Variants in BCAS3 observed in about 807,000 individuals in gnomAD.
BCAS3 encodes the protein BCAS3 microtubule associated cell migration factor, also known as BCAS4/BCAS3 fusion.
Under a neutral mutation model 116.1 loss-of-function variants are expected in BCAS3, and 53 were observed. That is an observed-to-expected ratio of 0.46 (90% CI 0.37 to 0.57). The LOEUF (loss-of-function observed/expected upper bound fraction) is 0.57. BCAS3 is among the 20% of genes least tolerant of loss of function. The pLI, the probability that BCAS3 is intolerant of heterozygous loss-of-function variation, is 0.00. For missense variants in BCAS3, 917 were observed against 1,165.4 expected, an observed-to-expected ratio of 0.79 and a Z score of 3.10; for synonymous variants, 391 against 408.2, an observed-to-expected ratio of 0.96 and a Z score of 0.51.
chr17:60,888,904 T>C (rs974623862), intron 9 of BCAS3, among the ~76,000 whole-genome samples: 8 of 152,328 alleles, frequency 5.3e-5, no homozygotes, highest in African/African-American at 1.9e-4. Context: ...AATGGCTGTG[T>C]ACTGGAAGTG....
At chr17:60,808,573 C>T (rs1480525111) in intron 7 of BCAS3, among the ~76,000 whole-genome samples, 1 of 152,140 alleles carries the variant, frequency 6.6e-6, no homozygotes, top group Non-Finnish European at 1.5e-5. Context: ...ATTATTGTTT[C>T]CTAATGGTAC....
intron 7 of BCAS3, among the ~76,000 whole-genome samples, chr17:60,852,442 A>G (rs988435949): frequency 6.6e-6 from 1 of 152,224 alleles, no homozygotes; most frequent in Admixed American, 6.5e-5. Context: ...GTAACAGCTT[A>G]TCAAATTGTG....
chr17:61,001,190 A>G (rs907754661), intron 15 of BCAS3, among the ~76,000 whole-genome samples: 4 of 151,994 alleles, frequency 2.6e-5, no homozygotes, highest in Non-Finnish European at 5.9e-5. Flanking sequence ...AGTTGATGAG[A>G]CTCGGAGACC....
At chr17:60,726,311 C>T (rs1041234638) in intron 5 of BCAS3, among the ~76,000 whole-genome samples, 4 of 148,726 alleles carry the variant, frequency 2.7e-5, no homozygotes, top group Non-Finnish European at 4.4e-5. Flanking sequence ...AGTGATTCTC[C>T]TGCCTTAGCC....
At chr17:60,741,446 A>T (rs1212197942) in intron 5 of BCAS3, among the ~76,000 whole-genome samples, 1 of 152,210 alleles carries the variant, frequency 6.6e-6, no homozygotes, top group Non-Finnish European at 1.5e-5. Flanking sequence ...GTACAAAAAA[A>T]CTCTACTTAT....
At chr17:60,806,444 G>A (rs1357229728) in intron 6 of BCAS3, among the ~76,000 whole-genome samples, 2 of 152,052 alleles carry the variant, frequency 1.3e-5, no homozygotes, top group Non-Finnish European at 2.9e-5. Context: ...TAATCAATAT[G>A]CCAAAGAGGC....
Position 61,262,691 on chromosome 17 carries a change from A to ATT in BCAS3, c.2426-105619_2426-105618dup, listed in dbSNP as rs556925842. On this transcript the variant is annotated intron_variant, in intron 22 of 23. Coordinates refer to ENST00000407086, the MANE Select transcript of BCAS3 (RefSeq NM_017679.5). Reference sequence around the variant, plus strand: ...CCACCTTGCCCGGCCAGGAGACTTAATTTTTTTTTTTTTTTTTTGAGACAG... The same window carrying ATT: ...CCACCTTGCCCGGCCAGGAGACTTAATTTTTTTTTTTTTTTTTTTTGAGACAG... Among the ~76,000 whole-genome samples, 530 of 132,830 alleles carry ATT rather than the reference A, an allele frequency of 4.0e-3. 6 individuals are homozygous for ATT. The highest frequency in any genetic ancestry group is 0.033 in the East Asian group (149 of 4,568). 87.1% of individuals were successfully genotyped at this position (132,830 alleles called of 152,430 possible).
rs560674638 is a variant in BCAS3, at chr17:61,265,080, C to T, written c.2426-103247C>T. ...AATTATTTAACATTAGTTACCTCAC[C>T]GGGTTAGTTTGACAATTACATGGAG... is the stretch of plus-strand genomic sequence containing the variant. On this transcript the variant is annotated intron_variant, in intron 22 of 23. Coordinates refer to ENST00000407086, the MANE Select transcript of BCAS3 (RefSeq NM_017679.5). The surrounding 1 kb of genome is among the most constrained non-coding windows in gnomAD (Gnocchi z 4.3). Among the ~76,000 whole-genome samples the T allele has an allele frequency of 4.6e-5, 7 of 152,126 alleles. No individual in the cohort carries two copies. The East Asian group carries it at 7.7e-4, about 17-fold the overall frequency.
chr17:60,742,168 C>T (rs886133392), intron 5 of BCAS3, among the ~76,000 whole-genome samples: 3 of 152,172 alleles, frequency 2.0e-5, no homozygotes, highest in Non-Finnish European at 2.9e-5. Context: ...ATCTTTTCTA[C>T]AGAGTGGAAT....
At position 61,259,275 on chromosome 17, in the gene BCAS3, G is replaced by A. The variant is rs1466285403; in HGVS notation, c.2426-109052G>A. ...TAAGCAGAGCTCACAGAACTAATCT[G>A]TGTTGATCTGTCTTCTTCTTGAGGG... is the stretch of plus-strand genomic sequence containing the variant. On this transcript the variant is annotated intron_variant, in intron 22 of 23. Coordinates refer to ENST00000407086, the MANE Select transcript of BCAS3 (RefSeq NM_017679.5). This position sits in a 1 kb window ranked among gnomAD's most constrained non-coding sequence, Gnocchi z 4.7. Among the ~76,000 whole-genome samples, 2 of 152,186 alleles carry A rather than the reference G, an allele frequency of 1.3e-5. No homozygotes were observed. Among genetic ancestry groups the A allele is most frequent in the African/African-American group, 4.8e-5 (2 of 41,450 alleles).
intron 6 of BCAS3, among the ~76,000 whole-genome samples, chr17:60,784,448 G>A (rs1338427642): frequency 2.7e-5 from 4 of 148,544 alleles, no homozygotes; most frequent in Non-Finnish European, 5.9e-5. Flanking sequence ...ACAGGTGCCC[G>A]CCACCATGCC....
chr17:60,970,249 A>G (rs1188237429), intron 14 of BCAS3, among the ~76,000 whole-genome samples: 1 of 152,198 alleles, frequency 6.6e-6, no homozygotes, highest in Non-Finnish European at 1.5e-5. Context: ...CAACATTGCT[A>G]TACATAAAAA....
In BCAS3 at chr17:61,055,158, C is replaced by T. The variant is rs535996912; in HGVS notation, c.2029+14266C>T. Among the ~76,000 whole-genome samples, 45 of 152,284 alleles carry T rather than the reference C, an allele frequency of 3.0e-4. No homozygotes were observed. The South Asian group carries it at 8.5e-3, about 29-fold the overall frequency. On this transcript the variant is annotated intron_variant, in intron 19 of 23. Transcript: ENST00000407086. The stretch of plus-strand genomic sequence containing the variant: ...AAATAGAATGGTCTGTCTGTGCTTA[C>T]CTGCAGTAATGTAATGGGTTGATAT...
chr17:60,999,806 C>G (rs188919947), intron 15 of BCAS3, among the ~76,000 whole-genome samples: 2 of 152,164 alleles, frequency 1.3e-5, no homozygotes, highest in Non-Finnish European at 2.9e-5. Context: ...TTTCCATTTG[C>G]TGGTGTCATG....
intron 12 of BCAS3, among the ~76,000 whole-genome samples, chr17:60,923,471 G>C (rs2145155534): frequency 6.6e-6 from 1 of 152,264 alleles, no homozygotes; most frequent in South Asian, 2.1e-4. Flanking sequence ...TTCAGGGCAG[G>C]AATAACATTT....
chr17:61,103,662 C>G (rs1257809672), intron 22 of BCAS3, among the ~76,000 whole-genome samples: 2 of 152,172 alleles, frequency 1.3e-5, no homozygotes, highest in African/African-American at 4.8e-5. Context: ...GTGTTTTTCA[C>G]TCCATCTTAC....
At chr17:60,711,188 A>T (rs2037882442) in intron 5 of BCAS3, among the ~76,000 whole-genome samples, 1 of 149,772 alleles carries the variant, frequency 6.7e-6, no homozygotes, top group African/African-American at 2.5e-5. Context: ...CTTTGCGGAG[A>T]TAGAAGAATC....
At position 60,738,761 on chromosome 17, in the gene BCAS3, A is replaced by G. The variant is rs182681181; in HGVS notation, c.322-8437A>G. On this transcript the variant is annotated intron_variant, in intron 5 of 23. Transcript: ENST00000407086. Reference sequence around the variant, plus strand: ...TTGTTTTAATTTTTTTGTATTTTTAAAAGTTTTTTCTTGTGAAAGGGTCTT... The same window carrying G: ...TTGTTTTAATTTTTTTGTATTTTTAGAAGTTTTTTCTTGTGAAAGGGTCTT... Among the ~76,000 whole-genome samples the G allele has an allele frequency of 2.2e-3, 331 of 152,104 alleles. 1 individual carries two copies. The highest frequency in any genetic ancestry group is 7.7e-3 in the African/African-American group (320 of 41,510).
Position 61,228,971 on chromosome 17 carries a change from A to G in BCAS3, c.2426-139356A>G, listed in dbSNP as rs913338026. Among the ~76,000 whole-genome samples, 7 of 152,226 alleles carry G rather than the reference A, an allele frequency of 4.6e-5. No individual in the cohort carries two copies. The highest frequency in any genetic ancestry group is 1.0e-4 in the Non-Finnish European group (7 of 68,036). ...GTTAGCCGAGTTGTTAATGTAAAGGAAAAGTTCTTGAAGGGAATTAAAAGT... is the reference window on the plus strand; with the variant it reads ...GTTAGCCGAGTTGTTAATGTAAAGGGAAAGTTCTTGAAGGGAATTAAAAGT... On this transcript the variant is annotated intron_variant, in intron 22 of 23. Transcript: ENST00000407086. This position sits in a 1 kb window ranked among gnomAD's most constrained non-coding sequence, Gnocchi z 5.0.
Sources: gnomAD v4.1 joint callset for allele counts (sites outside exome capture counted in the v4.1 genomes callset) on GRCh38, gnomAD v4.1.1 for gene constraint, Gnocchi (gnomAD v3.1) non-coding constraint, MANE v1.5 for transcripts, NCBI Gene and HGNC (gene_info 2026-07-23, HGNC 2026-07-21) for gene names.